The following TEAD2 variants were observed in gnomAD, a reference collection of about 807,000 sequenced individuals.
TEAD2 encodes transcriptional enhancer factor TEF-4.
A neutral mutation model predicts 61.4 loss-of-function variants in TEAD2; 51 were observed. That is an observed-to-expected ratio of 0.83 (90% CI 0.66 to 1.05). The LOEUF is 1.05. TEAD2 is among the 50% of genes least tolerant of loss of function. TEAD2 has a pLI of 0.00. For missense variants in TEAD2, 509 were observed against 600.0 expected, an observed-to-expected ratio of 0.85 and a Z score of 1.58; for synonymous variants, 244 against 243.2, an observed-to-expected ratio of 1.00 and a Z score of -0.03.
At chr19:49,346,344 A>C (rs1971639949) in intron 10 of TEAD2, among the ~76,000 whole-genome samples, 1 of 151,968 alleles carries the variant, frequency 6.6e-6, no homozygotes, top group African/African-American at 2.4e-5. Flanking sequence ...GGAAGTGCTC[A>C]ATAAATGATT....
At chr19:49,342,757 C>T (rs1371058271) in intron 11 of TEAD2, among the ~76,000 whole-genome samples, 167 bp from the exon 12 acceptor site, 3 of 152,064 alleles carry the variant, frequency 2.0e-5, no homozygotes, top group Non-Finnish European at 2.9e-5. Context: ...CCTGAACCCT[C>T]GGAGATCCGA....
chr19:49,359,809 G>A lies in TEAD2; in HGVS notation c.232+35C>T. The A allele has an allele frequency of 6.2e-7, 1 of 1,600,028 alleles. No individual in the cohort carries two copies. The highest frequency in any genetic ancestry group is 8.5e-7 in the Non-Finnish European group (1 of 1,170,432). On this transcript the variant is annotated intron_variant, in intron 2 of 12. Coordinates refer to ENST00000593945, the MANE Select transcript of TEAD2 (RefSeq NM_001256660.2). The surrounding 1 kb of genome is among the most constrained non-coding windows in gnomAD (Gnocchi z 4.1). ...CCTTGGTTACTGTCATTATTCATCA[G>A]TGGGGGCCAGGGCAAAAGACAGAAG...
chr19:49,356,043 C>T (rs1972370751), intron 4 of TEAD2, 73 bp from the exon 5 acceptor site: 4 of 1,175,476 alleles, frequency 3.4e-6, no homozygotes, highest in Non-Finnish European at 3.2e-6. Context: ...CCCGGACTCC[C>T]CCACCTCCCT....
At chr19:49,355,049 A>AC (rs3833222) in intron 7 of TEAD2, 99 bp downstream of exon 7, 35 of 762,234 alleles carry the variant, frequency 4.6e-5, no homozygotes, top group Admixed American at 1.1e-4. Flanking sequence ...ATACATACAT[A>AC]AATGGGGGGA....
intron 9 of TEAD2, among the ~76,000 whole-genome samples, chr19:49,347,806 A>G (rs1971746508): frequency 6.6e-6 from 1 of 152,224 alleles, no homozygotes; most frequent in Non-Finnish European, 1.5e-5. Flanking sequence ...TAAATGGTCA[A>G]TGGATGGAAG....
At chr19:49,351,456 C>T in intron 7 of TEAD2, 91 bp from the exon 8 acceptor site, 1 of 1,243,590 alleles carries the variant, frequency 8.0e-7, no homozygotes, top group Non-Finnish European at 1.1e-6. Flanking sequence ...CAAGCAAGAC[C>T]CTGTGCATTT....
intron 12 of TEAD2, 37 bp downstream of exon 12, chr19:49,342,401 C>A: frequency 2.5e-6 from 4 of 1,607,034 alleles, no homozygotes; most frequent in East Asian, 2.2e-5. Flanking sequence ...TCCCTCCACA[C>A]TGGGGGGCCC....
At chr19:49,350,714 C>T (rs1405284535) in intron 8 of TEAD2, among the ~76,000 whole-genome samples, 1 of 152,038 alleles carries the variant, frequency 6.6e-6, no homozygotes, top group African/African-American at 2.4e-5. Flanking sequence ...GACTAACATA[C>T]CTCCCCCATG....
Position 49,348,830 on chromosome 19 carries a change from TG to T in TEAD2, c.619del (p.Gln207LysfsTer29), listed in dbSNP as rs752700410. 6.4e-6 allele frequency: 10 copies of T among 1,573,714 alleles called. No individual in the cohort carries two copies. The highest frequency in any genetic ancestry group is 7.7e-6 in the Non-Finnish European group (9 of 1,164,482). ...AGGTGGGGGCAGGGGTGAGAGGGCT[TG>T]GGGGGGCTCGTACCCTAGAGAGAGA... is the stretch of plus-strand genomic sequence containing the variant. ...STDLPGYEPP[Q>X]ALSPLPPPTP... On this transcript the variant is annotated frameshift_variant, in exon 9 of 13. Transcript: ENST00000593945. LOFTEE classifies it high-confidence loss of function.
Position 49,356,059 on chromosome 19 carries a change from A to G in TEAD2, c.361-89T>C. The G allele has an allele frequency of 3.8e-6, 4 of 1,045,310 alleles. No individual in the cohort carries two copies. The African/African-American group carries it at 6.6e-5, about 17-fold the overall frequency. 64.8% of individuals were successfully genotyped at this position (1,045,310 alleles called of 1,614,324 possible). A position where few individuals can be genotyped will look rare whatever the true frequency, so the allele number is the denominator to read the frequency against. ...CCGGACTCCCCCACCTCCCTGCCCT[A>G]CCCGCCCGCACAGCCCCGCCACCCT... On this transcript the variant is annotated intron_variant, in intron 4 of 12. Coordinates refer to ENST00000593945, the MANE Select transcript of TEAD2 (RefSeq NM_001256660.2).
chr19:49,357,224 C>T (rs1175268641), intron 4 of TEAD2, 28 bp downstream of exon 4: 2 of 1,610,732 alleles, frequency 1.2e-6, no homozygotes, highest in African/African-American at 1.3e-5. Flanking sequence ...CTCTGTCCCC[C>T]TCTCAGGATG....
At chr19:49,354,983 C>A (rs1008850982) in intron 7 of TEAD2, among the ~76,000 whole-genome samples, 165 bp downstream of exon 7, 1 of 151,990 alleles carries the variant, frequency 6.6e-6, no homozygotes, top group Non-Finnish European at 1.5e-5. Flanking sequence ...GCCTGGGCAA[C>A]GGAGCAAGAC....
chr19:49,345,350 T>C (rs1314296885), intron 10 of TEAD2, among the ~76,000 whole-genome samples: 3 of 151,904 alleles, frequency 2.0e-5, no homozygotes, highest in African/African-American at 7.3e-5. Flanking sequence ...CTTTCCTTCT[T>C]CCTTTCTTCC....
At position 49,355,681 on chromosome 19, in the gene TEAD2, G is replaced by C. The variant is rs569403328; in HGVS notation, c.373-262C>G. 6.6e-5 allele frequency among the ~76,000 whole-genome samples: 10 copies of C among 152,238 alleles called. No homozygotes were observed. In the South Asian group the frequency reaches 1.7e-3, roughly 25 times the overall value. ...GTCTCTACTAAAAATACAAAAACTA[G>C]CCAGGTGTGGTGGTGCACACGCATA... On this transcript the variant is annotated intron_variant, in intron 5 of 12. Coordinates refer to ENST00000593945, the MANE Select transcript of TEAD2 (RefSeq NM_001256660.2).
At chr19:49,349,321 G>A (rs1028905280) in intron 8 of TEAD2, among the ~76,000 whole-genome samples, 2 of 152,056 alleles carry the variant, frequency 1.3e-5, no homozygotes, top group Non-Finnish European at 2.9e-5. Context: ...ATATTAGCTG[G>A]GCATGGTGGC....
intron 1 of TEAD2, among the ~76,000 whole-genome samples, chr19:49,360,874 G>A (rs1477905701): frequency 2.1e-5 from 3 of 140,476 alleles, no homozygotes; most frequent in Non-Finnish European, 4.7e-5. Context: ...CAGTGAGGTG[G>A]GGATAGAGAC....
At chr19:49,354,510 GAA>G (rs60213376) in intron 7 of TEAD2, among the ~76,000 whole-genome samples, 3 of 119,918 alleles carry the variant, frequency 2.5e-5, no homozygotes, top group Non-Finnish European at 5.4e-5. Context: ...TATAAAAAAA[GAA>G]AAAAAAAAAA....
Position 49,360,071 on chromosome 19 carries a change from C to G in TEAD2, c.5G>C (p.Gly2Ala). 1 of 1,604,398 alleles carries G rather than the reference C, an allele frequency of 6.2e-7. No homozygotes were observed. The highest frequency in any genetic ancestry group is 1.1e-5 in the South Asian group (1 of 91,014). Reference sequence around the variant, plus strand: ...CAGGGCGGCCCCAGCCCGGGGTTCCCCCATCTGGGCCTGGAGGAACACAGA... The same window carrying G: ...CAGGGCGGCCCCAGCCCGGGGTTCCGCCATCTGGGCCTGGAGGAACACAGA... M[G>A]EPRAGAALDD... The change falls in exon 2 of 13, where the codon GGG becomes GCG. Residue 2 changes from glycine to alanine, a missense_variant. By Grantham distance (60) the Gly-to-Ala change is moderately conservative. Coordinates refer to ENST00000593945, the MANE Select transcript of TEAD2 (RefSeq NM_001256660.2).
rs908340351 is a variant in TEAD2 at position 49,341,896 on chromosome 19, G to A, written c.1243-459C>T. Among the ~76,000 whole-genome samples the A allele has an allele frequency of 6.6e-6, 1 of 152,144 alleles. No individual in the cohort carries two copies. Among genetic ancestry groups the A allele is most frequent in the African/African-American group, 2.4e-5 (1 of 41,440 alleles). ...CCAGGGAAGGAGGGACCCACCTTAT[G>A]TGCGAGTGCTGTGGGGCTGGGCGTG... On this transcript the variant is annotated intron_variant, in intron 12 of 12. Coordinates refer to ENST00000593945, the MANE Select transcript of TEAD2 (RefSeq NM_001256660.2). This position sits in a 1 kb window ranked among gnomAD's most constrained non-coding sequence, Gnocchi z 4.2.
Sources: allele counts gnomAD v4.1 joint callset (sites outside exome capture counted in the v4.1 genomes callset), GRCh38; gene constraint gnomAD v4.1.1; non-coding constraint Gnocchi (gnomAD v3.1); transcripts MANE v1.5; gene names NCBI Gene and HGNC (gene_info 2026-07-23, HGNC 2026-07-21).